TPH2: variants seen among roughly 807,000 people sequenced by gnomAD.
The protein encoded by TPH2 is tryptophan 5-hydroxylase 2.
A neutral mutation model predicts 59.1 loss-of-function variants in TPH2; 27 were observed. The observed-to-expected ratio is 0.46, with a 90% CI of 0.34 to 0.63. The LOEUF is 0.63. Among genes scored for constraint, TPH2 ranks in the 30% least tolerant of loss-of-function variants. TPH2 has a pLI of 0.01. For synonymous variants in TPH2, 220 were observed against 210.5 expected (o/e 1.05, Z -0.39); for missense variants, 523 against 588.3 (o/e 0.89, Z 1.15).
chr12:72,027,222 C>A (rs1353975599), intron 9 of TPH2, among the ~76,000 whole-genome samples: 1 of 152,162 alleles, frequency 6.6e-6, no homozygotes, highest in Non-Finnish European at 1.5e-5. Flanking sequence ...TAGTCTAGGA[C>A]CTGAAAGCCT....
chr12:71,990,620 C>T (rs1290858931), intron 7 of TPH2, among the ~76,000 whole-genome samples: 4 of 152,232 alleles, frequency 2.6e-5, no homozygotes, highest in Non-Finnish European at 5.9e-5. Flanking sequence ...CCTTTGTCTA[C>T]ATGTACCTGA....
intron 1 of TPH2, among the ~76,000 whole-genome samples, chr12:71,941,268 G>T (rs1358143829): frequency 6.6e-6 from 1 of 152,078 alleles, no homozygotes; most frequent in Admixed American, 6.6e-5. Context: ...TCCTAGAAAG[G>T]CAGGAATTTT....
intron 8 of TPH2, among the ~76,000 whole-genome samples, chr12:71,996,514 G>A (rs1872697921): frequency 6.6e-6 from 1 of 152,206 alleles, no homozygotes. Flanking sequence ...AACCTTTTCT[G>A]TGCATTTCAA....
At chr12:71,969,661 A>G (rs544653970) in intron 5 of TPH2, among the ~76,000 whole-genome samples, 12 of 152,358 alleles carry the variant, frequency 7.9e-5, no homozygotes, top group African/African-American at 2.9e-4. Context: ...GATTTTCTAC[A>G]TATGAATACA....
At position 72,005,078 on chromosome 12, in the gene TPH2, G is replaced by C. The variant is rs116007138; in HGVS notation, c.1068+10513G>C. Among the ~76,000 whole-genome samples the C allele has an allele frequency of 9.2e-3, 1,394 of 152,220 alleles. 22 individuals are homozygous for C. Among genetic ancestry groups the C allele is most frequent in the African/African-American group, 0.032 (1,329 of 41,558 alleles). On this transcript the variant is annotated intron_variant, in intron 8 of 10. Transcript: ENST00000333850. ...CTGTAAGGATGGGCATTTCTGGACT[G>C]TTTCTGATGGGTGAATTTCACACTG...
intron 9 of TPH2, among the ~76,000 whole-genome samples, chr12:72,025,466 G>A (rs970061195): frequency 5.9e-5 from 9 of 152,090 alleles, no homozygotes; most frequent in African/African-American, 2.2e-4. Flanking sequence ...AAGTACTTCC[G>A]AGTGGTATAC....
At chr12:71,976,412 C>T (rs1872118455) in intron 6 of TPH2, among the ~76,000 whole-genome samples, 1 of 151,978 alleles carries the variant, frequency 6.6e-6, no homozygotes, top group Admixed American at 6.6e-5. Flanking sequence ...TTTTAAAATA[C>T]CTAATTTATT....
chr12:72,031,225 A>G, intron 9 of TPH2, 33 bp from the exon 10 acceptor site: 1 of 1,612,932 alleles, frequency 6.2e-7, no homozygotes, highest in African/African-American at 1.3e-5. Flanking sequence ...GTCTCATTAC[A>G]GAGTTTAACA....
intron 7 of TPH2, among the ~76,000 whole-genome samples, chr12:71,982,840 T>A (rs1354611639): frequency 6.6e-6 from 1 of 152,236 alleles, no homozygotes; most frequent in East Asian, 1.9e-4. Flanking sequence ...AAAAAATACA[T>A]TATCTGAAAA....
At chr12:71,969,964 C>T (rs2139201711) in intron 5 of TPH2, among the ~76,000 whole-genome samples, 1 of 152,298 alleles carries the variant, frequency 6.6e-6, no homozygotes, top group South Asian at 2.1e-4. Flanking sequence ...CATATAAAAA[C>T]ACTTAACCTT....
chr12:72,016,213 A>G (rs186077785), intron 8 of TPH2, among the ~76,000 whole-genome samples: 1 of 152,296 alleles, frequency 6.6e-6, no homozygotes, highest in Non-Finnish European at 1.5e-5. Flanking sequence ...ACTTTATTAA[A>G]TGAGGAAGCC....
At chr12:71,993,463 A>G (rs1872624686) in intron 7 of TPH2, among the ~76,000 whole-genome samples, 1 of 152,200 alleles carries the variant, frequency 6.6e-6, no homozygotes. Context: ...TCAATCCATT[A>G]CAGCTTGGTA....
In TPH2 at chr12:71,975,322, G is replaced by T. The variant is rs150843369; in HGVS notation, c.805+2607G>T. 8.9e-4 allele frequency among the ~76,000 whole-genome samples: 136 copies of T among 152,286 alleles called. 4 individuals are homozygous for T. In the East Asian group the frequency reaches 0.014, roughly 16 times the overall value. On this transcript the variant is annotated intron_variant, in intron 6 of 10. Coordinates refer to ENST00000333850, the MANE Select transcript of TPH2 (RefSeq NM_173353.4). ...ATCACGCCACTGCACTCCAGCCTGG[G>T]TGACAGAGTGGGACTCTGTCTCAAA...
intron 7 of TPH2, among the ~76,000 whole-genome samples, chr12:71,992,779 A>G (rs1872609201): frequency 6.6e-6 from 1 of 152,210 alleles, no homozygotes; most frequent in Non-Finnish European, 1.5e-5. Flanking sequence ...TGTGACATGA[A>G]AACATTTAGC....
intron 8 of TPH2, among the ~76,000 whole-genome samples, chr12:72,008,246 A>G (rs1449629588): frequency 6.6e-6 from 1 of 152,226 alleles, no homozygotes; most frequent in Non-Finnish European, 1.5e-5. Context: ...GGTAGAATAG[A>G]TGTTAATACT....
intron 5 of TPH2, among the ~76,000 whole-genome samples, chr12:71,960,051 T>C (rs1188975192): frequency 1.3e-5 from 2 of 152,226 alleles, no homozygotes; most frequent in Non-Finnish European, 2.9e-5. Context: ...CTGAGATATA[T>C]GTGGCTGTTT....
At chr12:71,951,837 C>T (rs1362647652) in intron 5 of TPH2, among the ~76,000 whole-genome samples, 1 of 151,880 alleles carries the variant, frequency 6.6e-6, no homozygotes, top group African/African-American at 2.4e-5. Context: ...ACCAGCCTGA[C>T]CAACATGGAG....
chr12:71,945,756 TGACA>T (rs1349966299), intron 4 of TPH2, among the ~76,000 whole-genome samples: 1 of 152,206 alleles, frequency 6.6e-6, no homozygotes, highest in African/African-American at 2.4e-5. Context: ...ACCAGTCATT[TGACA>T]TAATATACCA....
intron 5 of TPH2, among the ~76,000 whole-genome samples, chr12:71,960,393 T>A (rs1412604389): frequency 6.6e-6 from 1 of 152,250 alleles, no homozygotes; most frequent in Non-Finnish European, 1.5e-5. Context: ...AAAGTTATCC[T>A]TCTCTTTACA....
Sources: allele counts gnomAD v4.1 joint callset (sites outside exome capture counted in the v4.1 genomes callset), GRCh38; gene constraint gnomAD v4.1.1; transcripts MANE v1.5; gene names NCBI Gene and HGNC (gene_info 2026-07-23, HGNC 2026-07-21).